PTGDR: variants seen among roughly 807,000 people sequenced by gnomAD.
PTGDR encodes PGD2 receptor.
PTGDR carries 19 observed loss-of-function variants against 17.4 expected under a neutral mutation model. The ratio of observed to expected loss-of-function variants is 1.09; its 90% CI spans 0.76 to 1.60. The LOEUF (loss-of-function observed/expected upper bound fraction) is 1.60. PTGDR is among the 40% of genes most tolerant of loss of function. PTGDR has a pLI of 0.00. For missense variants in PTGDR, 526 were observed against 481.9 expected (o/e 1.09, Z -0.86); for synonymous variants, 267 against 224.2 (o/e 1.19, Z -1.71).
chr14:52,278,713 G>A (rs553882725), downstream of PTGDR, among the ~76,000 whole-genome samples: 13 of 152,258 alleles, frequency 8.5e-5, no homozygotes, highest in East Asian at 2.1e-3. Flanking sequence ...GCAGTGATGA[G>A]ACCTGTCTTG....
chr14:52,268,628 G>A lies in PTGDR; in HGVS notation c.814G>A (p.Val272Met), dbSNP rs764113828. 7.5e-6 allele frequency: 12 copies of A among 1,599,512 alleles called. No individual in the cohort carries two copies. Among genetic ancestry groups the A allele is most frequent in the Middle Eastern group, 1.7e-4 (1 of 6,000 alleles). Residue 272 changes from valine (V) to methionine (M), a missense_variant, in exon 1 of 2, where the codon GTG (valine) becomes ATG (methionine). Transcript: ENST00000306051. ...CCTCCTGCTGCTGGCGCTGATGACC[G>A]TGCTCTTCACTATGTGTTCTCTGCC... ...DHLLLLALMT[V>M]LFTMCSLPVI... is the part of the protein sequence containing the mutation.
In PTGDR at chr14:52,276,409, A is replaced by G. The variant is rs1448256776; in HGVS notation, c.*1445A>G. ...ACTGAGCAGCAACCTCCTTTGTTTC[A>G]CTTATGTTTTTTCCAGTATCTGAGA... On this transcript the variant is annotated 3_prime_UTR_variant, in exon 2 of 2. Transcript: ENST00000306051. The G allele has an allele frequency of 6.6e-6, 1 of 152,148 alleles. No individual in the cohort carries two copies. The highest frequency in any genetic ancestry group is 1.9e-4 in the East Asian group (1 of 5,194). 9.4% of individuals were successfully genotyped at this position (152,148 alleles called of 1,614,324 possible).
Position 52,268,116 on chromosome 14 carries a change from A to G in PTGDR, c.302A>G (p.Asp101Gly). Residue 101 changes from aspartate to glycine, a missense_variant, in exon 1 of 2, where the codon GAC becomes GGC. Physicochemically the swap from Asp to Gly is moderately conservative, Grantham distance 94 (BLOSUM62 -1). Coordinates refer to ENST00000306051, the MANE Select transcript of PTGDR (RefSeq NM_000953.3). ...CTGCGGGTGCTTGCGCCCGCATTGG[A>G]CAACTCGTTGTGCCAAGCCTTCGCC... Reference protein sequence around the residue: ...RSLRVLAPALDNSLCQAFAFF... With the variant: ...RSLRVLAPALGNSLCQAFAFF... 1.2e-6 allele frequency: 2 copies of G among 1,614,006 alleles called. No homozygotes were observed. The highest frequency in any genetic ancestry group is 2.2e-5 in the East Asian group (1 of 44,852).
At chr14:52,280,413 G>A (rs974071166), downstream of PTGDR, among the ~76,000 whole-genome samples, 10 of 152,124 alleles carry the variant, frequency 6.6e-5, no homozygotes, top group South Asian at 2.1e-4. Flanking sequence ...AAACAGAAAC[G>A]TCAAGCTGGG....
intron 1 of PTGDR, among the ~76,000 whole-genome samples, chr14:52,273,557 C>T (rs188030901): frequency 1.9e-3 from 283 of 152,246 alleles, no homozygotes; most frequent in Non-Finnish European, 3.0e-3. Context: ...TTCAGATGGG[C>T]GAGGGCATCC....
chr14:52,269,591 AC>A, intron 1 of PTGDR: 1 of 1,401,734 alleles, frequency 7.1e-7, no homozygotes, highest in Non-Finnish European at 9.7e-7. Context: ...TGCCAATCCC[AC>A]GTTCTCGAAA....
chr14:52,279,469 G>T (rs1409552276), downstream of PTGDR, among the ~76,000 whole-genome samples: 1 of 152,138 alleles, frequency 6.6e-6, no homozygotes, highest in East Asian at 1.9e-4. Context: ...TGTCTTATTA[G>T]AACAGTGTTG....
intron 1 of PTGDR, among the ~76,000 whole-genome samples, chr14:52,270,872 G>A (rs770944268): frequency 1.4e-4 from 21 of 152,276 alleles, no homozygotes; most frequent in South Asian, 4.1e-4. Flanking sequence ...ATGTCTCTAC[G>A]GAGACTTGGA....
rs2033422029 is a variant in PTGDR at position 52,276,210 on chromosome 14, C to G, written c.*1246C>G. 6.6e-6 allele frequency: 1 copy of G among 152,192 alleles called. No homozygotes were observed. Among genetic ancestry groups the G allele is most frequent in the Admixed American group, 6.5e-5 (1 of 15,282 alleles). The allele number at this position is 152,192 out of a possible 1,614,324, so 9.4% of individuals were successfully genotyped here. ...CCAGCTTGCAGGTAAGAGCTTTCAC[C>G]TTTGGTAAAAGAACAGCTGGGGAGG... is the stretch of plus-strand genomic sequence containing the variant. On this transcript the variant is annotated 3_prime_UTR_variant, in exon 2 of 2. Transcript: ENST00000306051.
chr14:52,279,148 C>G (rs1175395351), downstream of PTGDR, among the ~76,000 whole-genome samples: 2 of 152,138 alleles, frequency 1.3e-5, no homozygotes, highest in Non-Finnish European at 2.9e-5. Context: ...CGTTCTCTCT[C>G]ATGATAGTCC....
intron 1 of PTGDR, chr14:52,269,559 A>G: frequency 6.7e-7 from 1 of 1,499,538 alleles, no homozygotes; most frequent in Non-Finnish European, 8.9e-7. Context: ...TTCAACAAAA[A>G]CAATACTTAC....
At chr14:52,273,279 C>T (rs2033356468) in intron 1 of PTGDR, among the ~76,000 whole-genome samples, 1 of 152,178 alleles carries the variant, frequency 6.6e-6, no homozygotes, top group Admixed American at 6.5e-5. Context: ...TCCCAGAGTG[C>T]TGGGATTACA....
intron 1 of PTGDR, among the ~76,000 whole-genome samples, chr14:52,271,975 T>G (rs1333246686): frequency 2.6e-5 from 4 of 152,226 alleles, no homozygotes; most frequent in African/African-American, 4.8e-5. Context: ...TTACATGAGT[T>G]TTTTTTCTAT....
In PTGDR at chr14:52,267,968, C is replaced by T. The variant is rs1005575850; in HGVS notation, c.154C>T (p.Arg52Cys). ...ARSGLGWCSR[R>C]PLRPLPSVFY... ...CTCGGGGCTGGGGTGGTGCTCGCGG[C>T]GTCCACTGCGCCCGCTGCCCTCGGT... The change falls in exon 1 of 2, where the codon CGT becomes TGT. Residue 52 changes from arginine (R) to cysteine (C), a missense_variant. Physicochemically the swap from Arg to Cys is radical, Grantham distance 180. Transcript: ENST00000306051. The T allele has an allele frequency of 1.2e-6, 2 of 1,609,282 alleles. No individual in the cohort carries two copies. Among genetic ancestry groups the T allele is most frequent in the Non-Finnish European group, 1.7e-6 (2 of 1,179,734 alleles).
downstream of PTGDR, among the ~76,000 whole-genome samples, chr14:52,280,697 A>C (rs2033476556): frequency 6.6e-6 from 1 of 152,246 alleles, no homozygotes; most frequent in South Asian, 2.1e-4. Flanking sequence ...TATCGTCTGC[A>C]TTATCTACAT....
intron 1 of PTGDR, chr14:52,269,342 G>T: frequency 1.1e-6 from 1 of 877,062 alleles, no homozygotes; most frequent in African/African-American, 1.7e-5. Flanking sequence ...CTGACTTGAC[G>T]GGTTTTGAGT....
At chr14:52,269,906 A>T (rs927496569) in intron 1 of PTGDR, among the ~76,000 whole-genome samples, 12 of 152,198 alleles carry the variant, frequency 7.9e-5, no homozygotes, top group African/African-American at 2.9e-4. Flanking sequence ...GCTTCTAGAA[A>T]AAAAGATGGC....
At chr14:52,280,482 G>A (rs985894468), downstream of PTGDR, among the ~76,000 whole-genome samples, 3 of 152,128 alleles carry the variant, frequency 2.0e-5, no homozygotes, top group Admixed American at 6.5e-5. Context: ...GCTAAAATAC[G>A]AAAAGCTACA....
rs369155224 is a variant in PTGDR at position 52,273,540 on chromosome 14, G to A, written c.847-1191G>A. ...AGTTGTTAAGATTCCCTCCGCCCCC[G>A]CCCGACTTCAGATGGGCGAGGGCAT... is the stretch of plus-strand genomic sequence containing the variant. On this transcript the variant is annotated intron_variant, in intron 1 of 1. Transcript: ENST00000306051. 6.6e-5 allele frequency among the ~76,000 whole-genome samples: 10 copies of A among 152,036 alleles called. No homozygotes were observed. In the East Asian group the frequency reaches 7.7e-4, roughly 12 times the overall value.
Sources: gnomAD v4.1 joint callset for allele counts (sites outside exome capture counted in the v4.1 genomes callset) on GRCh38, gnomAD v4.1.1 for gene constraint, MANE v1.5 for transcripts, NCBI Gene and HGNC (gene_info 2026-07-23, HGNC 2026-07-21) for gene names.